RET: variants seen among roughly 807,000 people sequenced by gnomAD.
RET encodes proto-oncogene tyrosine-protein kinase receptor Ret.
A neutral mutation model predicts 118.3 loss-of-function variants in RET; 19 were observed. That is an observed-to-expected ratio of 0.16 (90% CI 0.11 to 0.24). The LOEUF (loss-of-function observed/expected upper bound fraction) is 0.24, where lower values mean the gene tolerates loss of function less well. Ranked by LOEUF, RET falls within the 10% of genes least tolerant of loss-of-function variation. RET has a pLI of 1.00. For missense variants in RET, 1,219 were observed against 1,502.1 expected (o/e 0.81, Z 3.12); for synonymous variants, 597 against 644.1 (o/e 0.93, Z 1.11).
intron 1 of RET, among the ~76,000 whole-genome samples, chr10:43,087,230 C>T (rs749912481): frequency 6.6e-6 from 1 of 152,132 alleles, no homozygotes; most frequent in South Asian, 2.1e-4. Context: ...CCCATCTCTC[C>T]TCCTCCTCAG....
chr10:43,119,649 C>A lies in RET; in HGVS notation c.2511C>A (p.Ser837=). 1 of 1,613,298 alleles carries A rather than the reference C, an allele frequency of 6.2e-7. No homozygotes were observed. Among genetic ancestry groups the A allele is most frequent in the Non-Finnish European group, 8.5e-7 (1 of 1,179,954 alleles). ...LGSGGSRNSS[S]LDHPDERALT... ...GTGGAGGCAGCCGCAACTCCAGCTC[C>A]CTGGACCACCCGGATGAGCGGGCCC... Residue 837 remains serine (S), a synonymous_variant, in exon 14 of 20, where the codon TCC becomes TCA. Transcript: ENST00000355710.
chr10:43,108,341 T>C (rs1218407061), intron 5 of RET, among the ~76,000 whole-genome samples: 20 of 152,090 alleles, frequency 1.3e-4, no homozygotes, highest in Non-Finnish European at 1.5e-5. Context: ...AGAAAACCAA[T>C]GTTATGGTTT....
intron 19 of RET, among the ~76,000 whole-genome samples, chr10:43,127,736 C>T (rs1308245567): frequency 1.3e-5 from 2 of 152,034 alleles, no homozygotes; most frequent in South Asian, 4.1e-4. Flanking sequence ...ACGAGTGCCT[C>T]CTTTACGTTA....
chr10:43,109,347 G>A, intron 6 of RET, 117 bp downstream of exon 6: 1 of 1,054,190 alleles, frequency 9.5e-7, no homozygotes, highest in Non-Finnish European at 1.4e-6. Flanking sequence ...ACTGGGTGGA[G>A]TCCTGAGCCC....
At chr10:43,091,884 C>T (rs1402350530) in intron 1 of RET, among the ~76,000 whole-genome samples, 1 of 150,946 alleles carries the variant, frequency 6.6e-6, no homozygotes, top group Non-Finnish European at 1.5e-5. Flanking sequence ...TGAACCCTTG[C>T]GCACTGCTGG....
At chr10:43,087,252 G>A (rs928941597) in intron 1 of RET, among the ~76,000 whole-genome samples, 4 of 152,244 alleles carry the variant, frequency 2.6e-5, no homozygotes, top group African/African-American at 9.6e-5. Flanking sequence ...TGCTCTTCCA[G>A]CTACTGGCCA....
Position 43,077,216 on chromosome 10 carries a change from C to G in RET, c.-43C>G. ...CACCCGCCATCCAGACCCGCCGGCC[C>G]TAGCCGCAGTCCCTCCAGCCGTGGC... On this transcript the variant is annotated 5_prime_UTR_variant, in exon 1 of 20. Coordinates refer to ENST00000355710, the MANE Select transcript of RET (RefSeq NM_020975.6). The G allele has an allele frequency of 6.8e-7, 1 of 1,466,976 alleles. No homozygotes were observed. The highest frequency in any genetic ancestry group is 9.0e-7 in the Non-Finnish European group (1 of 1,111,664). 90.9% of individuals were successfully genotyped at this position (1,466,976 alleles called of 1,614,324 possible).
chr10:43,079,922 T>C (rs1425413313), intron 1 of RET, among the ~76,000 whole-genome samples: 1 of 152,176 alleles, frequency 6.6e-6, no homozygotes, highest in African/African-American at 2.4e-5. Flanking sequence ...TGGGCCTGGC[T>C]TGCTTCCTCC....
At chr10:43,125,875 C>G (rs2742237) in intron 18 of RET, among the ~76,000 whole-genome samples, 128,659 of 152,208 alleles carry the variant, frequency 0.85, 55,132 homozygotes, top group African/African-American at 0.97. Context: ...GAGAATGCAG[C>G]GTTGTTCAAA....
intron 15 of RET, 58 bp from the exon 16 acceptor site, chr10:43,121,888 C>T (rs901661914): frequency 5.9e-6 from 8 of 1,351,098 alleles, no homozygotes; most frequent in Non-Finnish European, 8.5e-6. Context: ...TTCTCCTTTA[C>T]CCCTCCTTCC....
At chr10:43,105,547 G>A (rs1377694469) in intron 4 of RET, among the ~76,000 whole-genome samples, 2 of 152,186 alleles carry the variant, frequency 1.3e-5, no homozygotes, top group Non-Finnish European at 2.9e-5. Flanking sequence ...GAGGGCCCTT[G>A]AGTGACCACG....
chr10:43,129,164 C>A lies in RET; in HGVS notation c.*895C>A, dbSNP rs1838396683. ...GTGAATCCCACCTGCCACCAGCCTG[C>A]AGCACACCCCACAGCCAAGTAGAGG... On this transcript the variant is annotated 3_prime_UTR_variant, in exon 20 of 20. Transcript: ENST00000355710. 1 of 233,582 alleles carries A rather than the reference C, an allele frequency of 4.3e-6. No homozygotes were observed. The highest frequency in any genetic ancestry group is 8.5e-6 in the Non-Finnish European group (1 of 118,162). 14.5% of individuals were successfully genotyped at this position (233,582 alleles called of 1,614,324 possible).
intron 9 of RET, 105 bp from the exon 10 acceptor site, chr10:43,113,451 C>T (rs1480557638): frequency 1.4e-5 from 19 of 1,350,336 alleles, no homozygotes; most frequent in East Asian, 7.5e-5. Flanking sequence ...CCTATGCTTG[C>T]GACACCAGTT....
chr10:43,107,634 C>T (rs1837815138), intron 5 of RET, among the ~76,000 whole-genome samples: 1 of 151,412 alleles, frequency 6.6e-6, no homozygotes, highest in Non-Finnish European at 1.5e-5. Flanking sequence ...CTCTGTAAAA[C>T]ATTTTAAAGA....
In RET at chr10:43,112,149, C is replaced by T. The variant is rs545625150; in HGVS notation, c.1573C>T (p.Arg525Trp). The T allele has an allele frequency of 9.4e-6, 15 of 1,595,130 alleles. No homozygotes were observed. Among genetic ancestry groups the T allele is most frequent in the Middle Eastern group, 1.7e-4 (1 of 6,024 alleles). ...CCTGTCCTGTGCAGTCAGCAAGAGA[C>T]GGCTGGAGTGTGAGGAGTGTGGCGG... is the stretch of plus-strand genomic sequence containing the variant. ...CPLSCAVSKRRLECEECGGLG... is the reference protein window; with the variant it reads ...CPLSCAVSKRWLECEECGGLG... The change falls in exon 8 of 20, where the codon CGG becomes TGG. Residue 525 changes from arginine (R) to tryptophan (W), a missense_variant. By Grantham distance (101) the Arg-to-Trp change is moderately radical (BLOSUM62 -3). Transcript: ENST00000355710.
At chr10:43,088,492 C>T (rs1056119170) in intron 1 of RET, among the ~76,000 whole-genome samples, 2 of 151,500 alleles carry the variant, frequency 1.3e-5, no homozygotes, top group Non-Finnish European at 2.9e-5. Context: ...GAGGCAGTGG[C>T]GGGGAAGGTG....
chr10:43,085,312 C>T (rs1394704033), intron 1 of RET, among the ~76,000 whole-genome samples: 2 of 152,182 alleles, frequency 1.3e-5, no homozygotes, highest in African/African-American at 2.4e-5. Flanking sequence ...TGGGCTGGGC[C>T]GCTCTGCCCT....
intron 12 of RET, among the ~76,000 whole-genome samples, chr10:43,117,072 G>A (rs1036739222): frequency 6.6e-6 from 1 of 152,232 alleles, no homozygotes; most frequent in Admixed American, 6.5e-5. Flanking sequence ...TTGGTGAAGA[G>A]ACCACCAGTA....
chr10:43,083,641 C>T (rs1436841083), intron 1 of RET, among the ~76,000 whole-genome samples: 4 of 152,194 alleles, frequency 2.6e-5, no homozygotes, highest in African/African-American at 9.7e-5. Context: ...GATGGGGGCA[C>T]GCAGGGGTGT....
Sources: gnomAD v4.1 joint callset for allele counts (sites outside exome capture counted in the v4.1 genomes callset) on GRCh38, gnomAD v4.1.1 for gene constraint, MANE v1.5 for transcripts, NCBI Gene and HGNC (gene_info 2026-07-23, HGNC 2026-07-21) for gene names.